Variants in CSMD1 observed in about 807,000 individuals in gnomAD.
CSMD1 encodes CUB and Sushi multiple domains 1, also known as CUB and sushi domain-containing protein 1.
A neutral mutation model predicts 417.5 loss-of-function variants in CSMD1; 213 were observed. That is an observed-to-expected ratio of 0.51 (90% CI 0.46 to 0.57). CSMD1 has a LOEUF of 0.57. CSMD1 is among the 20% of genes least tolerant of loss of function. CSMD1 has a pLI of 0.00. For missense variants in CSMD1, 6,923 were observed against 4,529.7 expected, an observed-to-expected ratio of 1.53 and a Z score of -15.17; for synonymous variants, 2,862 against 1,736.8, an observed-to-expected ratio of 1.65 and a Z score of -16.11.
At chr8:3,793,427 G>A (rs1235106603) in intron 5 of CSMD1, among the ~76,000 whole-genome samples, 2 of 151,952 alleles carry the variant, frequency 1.3e-5, no homozygotes, top group African/African-American at 4.8e-5. Context: ...TGTTGCCACT[G>A]TCTCTGCAAG....
At chr8:4,928,507 C>T (rs916282727) in intron 1 of CSMD1, among the ~76,000 whole-genome samples, 1 of 152,196 alleles carries the variant, frequency 6.6e-6, no homozygotes, top group Non-Finnish European at 1.5e-5. Context: ...GAGCAAGTTA[C>T]TGGCCCTCCT....
At chr8:3,499,473 G>A (rs905823037) in intron 10 of CSMD1, among the ~76,000 whole-genome samples, 2 of 152,088 alleles carry the variant, frequency 1.3e-5, no homozygotes, top group Non-Finnish European at 2.9e-5. Context: ...GAGCATGTGT[G>A]AGCATTCAGC....
At chr8:4,604,453 C>A (rs1461663357) in intron 2 of CSMD1, among the ~76,000 whole-genome samples, 5 of 150,366 alleles carry the variant, frequency 3.3e-5, no homozygotes, top group African/African-American at 1.2e-4. Context: ...GAAGGATCAT[C>A]AACAAGTTCA....
intron 2 of CSMD1, among the ~76,000 whole-genome samples, chr8:4,524,757 G>T (rs893551556): frequency 2.6e-5 from 4 of 152,024 alleles, no homozygotes; most frequent in Non-Finnish European, 5.9e-5. Flanking sequence ...TATCATACAT[G>T]ATTCTATCGA....
intron 1 of CSMD1, among the ~76,000 whole-genome samples, chr8:4,755,176 C>T (rs1252792199): frequency 6.6e-6 from 1 of 152,100 alleles, no homozygotes; most frequent in South Asian, 2.1e-4. Flanking sequence ...AAGTCATAGG[C>T]CAAATTTTAA....
At chr8:3,813,446 T>TA (rs1801196307) in intron 5 of CSMD1, among the ~76,000 whole-genome samples, 1 of 152,176 alleles carries the variant, frequency 6.6e-6, no homozygotes, top group South Asian at 2.1e-4. Flanking sequence ...ATTAAGTCTA[T>TA]AAGCATGGTA....
rs1317009143 is a variant in CSMD1 at position 4,398,385 on chromosome 8, C to CTTTTTTTTTTTTT, written c.415+21567_415+21568insAAAAAAAAAAAAA. 5.1e-5 allele frequency among the ~76,000 whole-genome samples: 6 copies of CTTTTTTTTTTTTT among 118,134 alleles called. 1 individual carries two copies. Among genetic ancestry groups the CTTTTTTTTTTTTT allele is most frequent in the Admixed American group, 9.9e-5 (1 of 10,064 alleles). 77.5% of individuals were successfully genotyped at this position (118,134 alleles called of 152,430 possible). On this transcript the variant is annotated intron_variant, in intron 3 of 69. Transcript: ENST00000635120. Reference sequence around the variant, plus strand: ...CTCTTTTTAAATTGTCTTGCTGCAACTTCTTTTTTTTTTTTTTTTTTTTGT... The same window carrying CTTTTTTTTTTTTT: ...CTCTTTTTAAATTGTCTTGCTGCAACTTTTTTTTTTTTTTTCTTTTTTTTTTTTTTTTTTTTGT...
intron 26 of CSMD1, among the ~76,000 whole-genome samples, chr8:3,274,890 A>C (rs1258375912): frequency 6.6e-6 from 1 of 152,142 alleles, no homozygotes; most frequent in African/African-American, 2.4e-5. Flanking sequence ...CCAGTTTGCC[A>C]GTCTGTGTCT....
chr8:3,132,043 T>A (rs1177757889), intron 41 of CSMD1, among the ~76,000 whole-genome samples: 1 of 152,114 alleles, frequency 6.6e-6, no homozygotes, highest in Non-Finnish European at 1.5e-5. Context: ...TTGGTAGCCA[T>A]AATGCCACCT....
intron 2 of CSMD1, among the ~76,000 whole-genome samples, chr8:4,441,602 T>A (rs1331343154): frequency 3.3e-5 from 5 of 152,198 alleles, no homozygotes; most frequent in Non-Finnish European, 5.9e-5. Flanking sequence ...ATACATTTGA[T>A]AATGCTGAAG....
At chr8:4,397,251 C>T (rs1012128069) in intron 3 of CSMD1, among the ~76,000 whole-genome samples, 2 of 151,950 alleles carry the variant, frequency 1.3e-5, no homozygotes, top group Non-Finnish European at 2.9e-5. Flanking sequence ...TGTGAGCATG[C>T]GTTTTTTCAT....
chr8:3,434,698 A>G (rs559375824), intron 12 of CSMD1, among the ~76,000 whole-genome samples: 15 of 152,192 alleles, frequency 9.9e-5, no homozygotes, highest in African/African-American at 3.6e-4. Flanking sequence ...CCTGCCCCAT[A>G]GACTTCATTT....
rs541451308 is a variant in CSMD1 at position 3,930,548 on chromosome 8, G to C, written c.818+67355C>G. ...TCTTTTCAAAAGTTCTAAGTTGCTA[G>C]CCAATCGGGACAAATACAGAATCTG... On this transcript the variant is annotated intron_variant, in intron 5 of 69. Transcript: ENST00000635120. 1.6e-3 allele frequency among the ~76,000 whole-genome samples: 244 copies of C among 150,330 alleles called. 10 individuals are homozygous for C. The highest frequency in any genetic ancestry group is 5.8e-3 in the African/African-American group (235 of 40,766).
intron 3 of CSMD1, among the ~76,000 whole-genome samples, chr8:4,098,138 T>C (rs923684772): frequency 6.6e-6 from 1 of 152,200 alleles, no homozygotes; most frequent in Non-Finnish European, 1.5e-5. Context: ...AGATTTCATA[T>C]AAAACCCTTG....
At chr8:4,286,106 C>G (rs1031933174) in intron 3 of CSMD1, among the ~76,000 whole-genome samples, 1 of 152,010 alleles carries the variant, frequency 6.6e-6, no homozygotes, top group Non-Finnish European at 1.5e-5. Flanking sequence ...TTTATGTGAC[C>G]GTTCACGTTA....
At chr8:4,921,396 C>G (rs1157945399) in intron 1 of CSMD1, among the ~76,000 whole-genome samples, 1 of 152,068 alleles carries the variant, frequency 6.6e-6, no homozygotes, top group Non-Finnish European at 1.5e-5. Flanking sequence ...TAATATGAAA[C>G]ATGTATAATG....
intron 2 of CSMD1, among the ~76,000 whole-genome samples, chr8:4,518,706 G>A (rs929192510): frequency 2.0e-5 from 3 of 151,724 alleles, no homozygotes; most frequent in African/African-American, 4.8e-5. Context: ...CGTGGCACAT[G>A]TATACATATG....
At chr8:3,767,373 G>C (rs13261305) in intron 5 of CSMD1, among the ~76,000 whole-genome samples, 23,446 of 152,156 alleles carry the variant, frequency 0.15, 1,861 homozygotes, top group Admixed American at 0.21. Context: ...TTCCCATGTG[G>C]GTGACCTCAG....
At chr8:4,174,390 T>C (rs1479502776) in intron 3 of CSMD1, among the ~76,000 whole-genome samples, 1 of 152,022 alleles carries the variant, frequency 6.6e-6, no homozygotes, top group African/African-American at 2.4e-5. Flanking sequence ...AAGGCCTAAT[T>C]CCTTTAAATT....
Sources: gnomAD v4.1 joint callset for allele counts (sites outside exome capture counted in the v4.1 genomes callset) on GRCh38, gnomAD v4.1.1 for gene constraint, MANE v1.5 for transcripts, NCBI Gene and HGNC (gene_info 2026-07-23, HGNC 2026-07-21) for gene names.